BRINP2: variants seen among roughly 807,000 people sequenced by gnomAD.
BRINP2 encodes the protein BMP/retinoic acid-inducible neural-specific protein 2.
A neutral mutation model predicts 69.2 loss-of-function variants in BRINP2; 21 were observed. The observed-to-expected ratio is 0.30, with a 90% CI of 0.22 to 0.44. The LOEUF (loss-of-function observed/expected upper bound fraction) is 0.44. Ranked by LOEUF, BRINP2 falls within the 20% of genes least tolerant of loss-of-function variation. The pLI is 1.00. For missense variants in BRINP2, 877 were observed against 986.0 expected (o/e 0.89, Z 1.48); for synonymous variants, 380 against 394.1 (o/e 0.96, Z 0.42).
intron 1 of BRINP2, among the ~76,000 whole-genome samples, chr1:177,172,430 C>G (rs758063511): frequency 6.6e-6 from 1 of 152,132 alleles, no homozygotes; most frequent in African/African-American, 2.4e-5. Flanking sequence ...GGTACACTGT[C>G]GAATGCTGCC....
rs71129597 is a variant in BRINP2, at chr1:177,183,137, CTTTTTTT to C, written c.-77+11424_-77+11430del. On this transcript the variant is annotated intron_variant, in intron 1 of 7. Transcript: ENST00000361539. ...TTTCCAGGTGATGGCAGTGTGTGAG[CTTTTTTT>C]TTTTTTTTTTTTTTTTTTCTTTTTC... Among the ~76,000 whole-genome samples the C allele has an allele frequency of 8.8e-3, 477 of 54,262 alleles. 1 individual carries two copies. Among genetic ancestry groups the C allele is most frequent in the African/African-American group, 0.033 (448 of 13,432 alleles). The allele number at this position is 54,262 out of a possible 152,430, so 35.6% of individuals were successfully genotyped here. A position where few individuals can be genotyped will look rare whatever the true frequency, so the allele number is the denominator to read the frequency against.
rs527284737 is a variant in BRINP2 at position 177,247,013 on chromosome 1, G to A, written c.270-8906G>A. ...TGAAACTATCATAGCTGAGTCACTG[G>A]GTAAAAAACTGGCATCACTCAGTGT... is the stretch of plus-strand genomic sequence containing the variant. On this transcript the variant is annotated intron_variant, in intron 2 of 7. Transcript: ENST00000361539. Among the ~76,000 whole-genome samples, 4 of 152,196 alleles carry A rather than the reference G, an allele frequency of 2.6e-5. No individual in the cohort carries two copies. The South Asian group carries it at 6.2e-4, about 24-fold the overall frequency.
rs1265735258 is a variant in BRINP2 at position 177,256,501 on chromosome 1, CT to C, written c.460+393del. 16 of 985,392 alleles carry C rather than the reference CT, an allele frequency of 1.6e-5. No homozygotes were observed. In the East Asian group the frequency reaches 6.8e-4, roughly 42 times the overall value. 61.0% of individuals were successfully genotyped at this position (985,392 alleles called of 1,614,324 possible). A position where few individuals can be genotyped will look rare whatever the true frequency, so the allele number is the denominator to read the frequency against. On this transcript the variant is annotated intron_variant, in intron 3 of 7. Coordinates refer to ENST00000361539, the MANE Select transcript of BRINP2 (RefSeq NM_021165.4). ...TCGAAGTCCCTGGAGTCCCTGACCCCTCTTCCTCTCTATAACGATTGGAAAC... is the reference window on the plus strand; with the variant it reads ...TCGAAGTCCCTGGAGTCCCTGACCCCCTTCCTCTCTATAACGATTGGAAAC...
intron 1 of BRINP2, among the ~76,000 whole-genome samples, chr1:177,225,357 G>A (rs1649664712): frequency 1.3e-5 from 2 of 152,270 alleles, no homozygotes; most frequent in Non-Finnish European, 1.5e-5. Context: ...ATGTAAAACC[G>A]TCTTAAGTGT....
intron 2 of BRINP2, among the ~76,000 whole-genome samples, chr1:177,241,267 G>A (rs912809942): frequency 7.9e-5 from 12 of 152,244 alleles, no homozygotes; most frequent in South Asian, 4.1e-4. Flanking sequence ...CATTGCGCCC[G>A]GACCACTGAA....
intron 4 of BRINP2, among the ~76,000 whole-genome samples, chr1:177,267,903 G>A (rs1167207507): frequency 1.3e-5 from 2 of 152,236 alleles, no homozygotes; most frequent in Non-Finnish European, 2.9e-5. Context: ...CACATTGAAA[G>A]TGAGATGAAT....
intron 1 of BRINP2, among the ~76,000 whole-genome samples, chr1:177,172,013 T>A (rs2102282207): frequency 6.6e-6 from 1 of 152,310 alleles, no homozygotes; most frequent in South Asian, 2.1e-4. Context: ...TTTGCCTGGT[T>A]TAAGTCCTCA....
intron 2 of BRINP2, among the ~76,000 whole-genome samples, chr1:177,253,532 T>C (rs1650651018): frequency 6.6e-6 from 1 of 152,170 alleles, no homozygotes; most frequent in Non-Finnish European, 1.5e-5. Context: ...CAGGAGCTTT[T>C]CAGTTTGATG....
chr1:177,216,096 T>C (rs1215650459), intron 1 of BRINP2, among the ~76,000 whole-genome samples: 1 of 152,070 alleles, frequency 6.6e-6, no homozygotes, highest in Non-Finnish European at 1.5e-5. Context: ...ATTGGAGAAT[T>C]TAATTCATTT....
intron 4 of BRINP2, among the ~76,000 whole-genome samples, chr1:177,259,331 T>C (rs1227693268): frequency 6.6e-6 from 1 of 152,132 alleles, no homozygotes; most frequent in East Asian, 1.9e-4. Flanking sequence ...AGAAAAATGT[T>C]TGAAGCTAGC....
intron 2 of BRINP2, among the ~76,000 whole-genome samples, chr1:177,236,271 C>T (rs904986033): frequency 5.3e-5 from 8 of 152,344 alleles, no homozygotes; most frequent in Middle Eastern, 3.4e-3. Context: ...AGTATCTGGA[C>T]GACGAGCCCA....
chr1:177,231,246 G>A (rs1489837055), intron 2 of BRINP2, among the ~76,000 whole-genome samples: 1 of 152,186 alleles, frequency 6.6e-6, no homozygotes. Flanking sequence ...GAGGCCCAAA[G>A]AAGTTAAGCA....
At chr1:177,245,977 G>A (rs1189327421) in intron 2 of BRINP2, among the ~76,000 whole-genome samples, 1 of 152,082 alleles carries the variant, frequency 6.6e-6, no homozygotes, top group East Asian at 1.9e-4. Context: ...AATGAAATTG[G>A]CCAATCATTG....
chr1:177,225,307 C>T (rs531875180), intron 1 of BRINP2, among the ~76,000 whole-genome samples: 6 of 152,154 alleles, frequency 3.9e-5, no homozygotes, highest in Non-Finnish European at 5.9e-5. Context: ...ACTTGGTTTA[C>T]CTTTACGTTT....
At chr1:177,229,332 T>C (rs555568650) in intron 1 of BRINP2, among the ~76,000 whole-genome samples, 3 of 152,210 alleles carry the variant, frequency 2.0e-5, no homozygotes, top group East Asian at 1.9e-4. Context: ...ACCAGAAAAA[T>C]GGGTTGCTTC....
rs112848525 is a variant in BRINP2, at chr1:177,193,248, G to C, written c.-77+21516G>C. 1.2e-3 allele frequency among the ~76,000 whole-genome samples: 185 copies of C among 152,248 alleles called. 1 individual carries two copies. Among genetic ancestry groups the C allele is most frequent in the Non-Finnish European group, 2.3e-3 (156 of 68,008 alleles). On this transcript the variant is annotated intron_variant, in intron 1 of 7. Coordinates refer to ENST00000361539, the MANE Select transcript of BRINP2 (RefSeq NM_021165.4). The stretch of plus-strand genomic sequence containing the variant: ...AGCCACGAGCATGTGATGGGTGAAG[G>C]GAAGAATCAAAATTTCCCAATAGCA...
chr1:177,172,264 T>C (rs998311462), intron 1 of BRINP2, among the ~76,000 whole-genome samples: 1 of 152,204 alleles, frequency 6.6e-6, no homozygotes, highest in Non-Finnish European at 1.5e-5. Flanking sequence ...CCCTGTAGGT[T>C]GCAAATAGTC....
rs1023973335 is a variant in BRINP2 at position 177,173,923 on chromosome 1, T to C, written c.-77+2191T>C. ...TGAGGTTTCCTGGTTAGTGTTTTGT[T>C]TTCCCCACTGCGCAGTGTATTTTTG... On this transcript the variant is annotated intron_variant, in intron 1 of 7. Transcript: ENST00000361539. Among the ~76,000 whole-genome samples, 200 of 152,318 alleles carry C rather than the reference T, an allele frequency of 1.3e-3. 1 individual carries two copies. Among genetic ancestry groups the C allele is most frequent in the Non-Finnish European group, 5.0e-4 (34 of 68,030 alleles).
At chr1:177,182,209 G>A (rs1484146448) in intron 1 of BRINP2, among the ~76,000 whole-genome samples, 2 of 147,386 alleles carry the variant, frequency 1.4e-5, no homozygotes, top group Non-Finnish European at 1.5e-5. Flanking sequence ...GCAATCCAGA[G>A]ACTGCCCTCT....
Sources: gnomAD v4.1 joint callset for allele counts (sites outside exome capture counted in the v4.1 genomes callset) on GRCh38, gnomAD v4.1.1 for gene constraint, MANE v1.5 for transcripts, NCBI Gene and HGNC (gene_info 2026-07-23, HGNC 2026-07-21) for gene names.